The following PRELID2 variants were observed in gnomAD, a reference collection of about 807,000 sequenced individuals.
PRELID2 encodes the protein PRELI domain-containing protein 2.
Under a neutral mutation model 28.4 loss-of-function variants are expected in PRELID2, and 25 were observed. The observed-to-expected ratio is 0.88, with a 90% CI of 0.64 to 1.23. The LOEUF (loss-of-function observed/expected upper bound fraction) is 1.23. PRELID2 is among the 50% of genes most tolerant of loss of function. The probability of loss-of-function intolerance (pLI) is 0.00; values close to 1 mark genes in which losing one functional copy is unlikely to be tolerated. For synonymous variants in PRELID2, 76 were observed against 71.6 expected, an observed-to-expected ratio of 1.06 and a Z score of -0.31; for missense variants, 201 against 214.4, an observed-to-expected ratio of 0.94 and a Z score of 0.39.
intron 1 of PRELID2, among the ~76,000 whole-genome samples, chr5:145,739,395 C>T (rs917729519): frequency 2.0e-5 from 3 of 152,126 alleles, no homozygotes; most frequent in Non-Finnish European, 2.9e-5. Flanking sequence ...ATTCCAGCTA[C>T]TCGGGAGGGT....
chr5:145,754,494 A>G (rs1054563349), downstream of PRELID2: 2 of 152,248 alleles, frequency 1.3e-5, no homozygotes, highest in African/African-American at 2.4e-5. Flanking sequence ...TGGAAAATGC[A>G]TATTATGAAA....
At chr5:145,681,877 C>CA (rs1754942677) in intron 1 of PRELID2, among the ~76,000 whole-genome samples, 1 of 152,076 alleles carries the variant, frequency 6.6e-6, no homozygotes, top group Admixed American at 6.6e-5. Context: ...TTGAAATGTG[C>CA]AAAAAATTAT....
At position 145,835,328 on chromosome 5, in the gene PRELID2, G is replaced by T; in HGVS notation, c.-77C>A. ...CTGCCCAGGGCTCCGCAGAGGCCCG[G>T]AGGCGCCCACACTCGGACAGCCACA... On this transcript the variant is annotated 5_prime_UTR_variant, in exon 1 of 7. Coordinates refer to ENST00000683046, the MANE Select transcript of PRELID2 (RefSeq NM_205846.3). 1 of 984,560 alleles carries T rather than the reference G, an allele frequency of 1.0e-6. No homozygotes were observed. The highest frequency in any genetic ancestry group is 1.5e-6 in the Non-Finnish European group (1 of 661,920). The allele number at this position is 984,560 out of a possible 1,614,324, so 61.0% of individuals were successfully genotyped here.
chr5:145,276,151 T>C, the PRELID2 span, among the ~76,000 whole-genome samples: 1 of 152,154 alleles, frequency 6.6e-6, no homozygotes, highest in African/African-American at 2.4e-5. Context: ...TAATTCCTCT[T>C]TCACTCTCCA....
chr5:145,821,113 AC>A (rs1223898429), intron 2 of PRELID2, among the ~76,000 whole-genome samples: 1 of 137,758 alleles, frequency 7.3e-6, no homozygotes, highest in African/African-American at 2.7e-5. Flanking sequence ...ACAGTTAACA[AC>A]CGCCTGACCG....
intron 1 of PRELID2, among the ~76,000 whole-genome samples, chr5:145,488,558 A>G (rs1752242673): frequency 6.6e-6 from 1 of 152,240 alleles, no homozygotes; most frequent in Admixed American, 6.5e-5. Flanking sequence ...AGATAGAAAA[A>G]AAGAAGCCAC....
the PRELID2 span, among the ~76,000 whole-genome samples, chr5:145,405,026 A>T: frequency 6.6e-6 from 1 of 152,180 alleles, no homozygotes; most frequent in Non-Finnish European, 1.5e-5. Context: ...ATCAGATTTC[A>T]TTTAAAGAAA....
chr5:145,422,903 C>T, the PRELID2 span, among the ~76,000 whole-genome samples: 1 of 151,992 alleles, frequency 6.6e-6, no homozygotes, highest in Middle Eastern at 3.4e-3. Context: ...TTAGTGCTTC[C>T]TTCAAGAGCT....
intron 5 of PRELID2, among the ~76,000 whole-genome samples, chr5:145,781,638 C>CTA (rs1219188550): frequency 1.5e-5 from 2 of 136,022 alleles, no homozygotes; most frequent in African/African-American, 5.9e-5. Context: ...TATATACACA[C>CTA]TATATATATA....
intron 1 of PRELID2, among the ~76,000 whole-genome samples, chr5:145,741,705 T>A (rs561156479): frequency 0.013 from 268 of 20,020 alleles, 110 homozygotes; most frequent in Non-Finnish European, 0.035. Flanking sequence ...ATATAAATAA[T>A]TTATTTATAT....
chr5:145,392,172 A>T, the PRELID2 span, among the ~76,000 whole-genome samples: 1 of 152,188 alleles, frequency 6.6e-6, no homozygotes, highest in Admixed American at 6.5e-5. Context: ...CGCTGCCAAT[A>T]AAGACATACT....
At chr5:145,827,495 T>C (rs1261267087) in intron 1 of PRELID2, among the ~76,000 whole-genome samples, 2 of 152,090 alleles carry the variant, frequency 1.3e-5, no homozygotes, top group African/African-American at 2.4e-5. Context: ...ATCTGTGAGG[T>C]CGGGGTGATG....
chr5:145,809,784 A>G (rs1753806765), intron 4 of PRELID2, among the ~76,000 whole-genome samples: 1 of 152,260 alleles, frequency 6.6e-6, no homozygotes. Flanking sequence ...AAGATACCAG[A>G]AAGTTTTTAC....
chr5:145,320,986 A>T, the PRELID2 span, among the ~76,000 whole-genome samples: 1 of 152,172 alleles, frequency 6.6e-6, no homozygotes, highest in African/African-American at 2.4e-5. Flanking sequence ...CCATCTCTAA[A>T]ATTATTATTT....
chr5:145,542,779 T>TTCTTTCTTTCTG (rs1233562204), intron 1 of PRELID2, among the ~76,000 whole-genome samples: 1 of 142,006 alleles, frequency 7.0e-6, no homozygotes, highest in African/African-American at 3.0e-5. Flanking sequence ...CTTTCTTTCT[T>TTCTTTCTTTCTG]TCTTTCTGTC....
intron 4 of PRELID2, among the ~76,000 whole-genome samples, chr5:145,805,368 A>C (rs1183782774): frequency 2.0e-5 from 3 of 152,196 alleles, no homozygotes; most frequent in African/African-American, 4.8e-5. Flanking sequence ...TTTTGCAAAA[A>C]ATGAAGTTCC....
At chr5:145,549,687 C>T (rs567361415) in intron 1 of PRELID2, among the ~76,000 whole-genome samples, 50 of 151,718 alleles carry the variant, frequency 3.3e-4, no homozygotes, top group Non-Finnish European at 5.9e-5. Context: ...CCCAGCTACT[C>T]GGGAGGCTGA....
Position 145,823,065 on chromosome 5 carries a change from C to T in PRELID2, c.133+12G>A, listed in dbSNP as rs1457256542. 1.4e-6 allele frequency: 2 copies of T among 1,426,388 alleles called. No homozygotes were observed. Among genetic ancestry groups the T allele is most frequent in the African/African-American group, 1.4e-5 (1 of 70,980 alleles). The allele number at this position is 1,426,388 out of a possible 1,614,324, so 88.4% of individuals were successfully genotyped here. Reference sequence around the variant, plus strand: ...AATGATCATTACTGAAAAAACTGTACAGAGAACTTACCTCTTTTTTCCTCC... The same window carrying T: ...AATGATCATTACTGAAAAAACTGTATAGAGAACTTACCTCTTTTTTCCTCC... On this transcript the variant is annotated intron_variant, in intron 2 of 6. Transcript: ENST00000683046.
the PRELID2 span, among the ~76,000 whole-genome samples, chr5:145,436,733 T>C: frequency 6.6e-6 from 1 of 152,166 alleles, no homozygotes; most frequent in Admixed American, 6.5e-5. Flanking sequence ...ATCCTGAATG[T>C]GTGTAAGGCA....
Sources: allele counts gnomAD v4.1 joint callset (sites outside exome capture counted in the v4.1 genomes callset), GRCh38; gene constraint gnomAD v4.1.1; transcripts MANE v1.5; gene names NCBI Gene and HGNC (gene_info 2026-07-23, HGNC 2026-07-21).